Variants in NOTCH2 observed in about 807,000 individuals in gnomAD.
NOTCH2 encodes notch receptor 2, also known as neurogenic locus notch homolog protein 2.
A neutral mutation model predicts 235.8 loss-of-function variants in NOTCH2; 29 were observed. The observed-to-expected ratio is 0.12, with a 90% CI of 0.09 to 0.17. The LOEUF is 0.17. Ranked by LOEUF, NOTCH2 falls within the 10% of genes least tolerant of loss-of-function variation. The pLI is 1.00. For missense variants in NOTCH2, 2,285 were observed against 3,150.2 expected (o/e 0.73, Z 6.57); for synonymous variants, 1,086 against 1,141.5 (o/e 0.95, Z 0.98).
At chr1:119,994,529 T>TATACAC (rs1352687791) in intron 4 of NOTCH2, 3 of 111,842 alleles carry the variant, frequency 2.7e-5, no homozygotes, top group African/African-American at 1.3e-4. Flanking sequence ...CATATATATA[T>TATACAC]ACACACACAC....
At chr1:119,933,955 G>C (rs1226449188) in intron 22 of NOTCH2, among the ~76,000 whole-genome samples, 1 of 152,210 alleles carries the variant, frequency 6.6e-6, no homozygotes, top group Non-Finnish European at 1.5e-5. Context: ...CTTCAAGTCT[G>C]TCCCTCTTCC....
chr1:119,939,801 C>T (rs1187484502), intron 19 of NOTCH2, among the ~76,000 whole-genome samples: 1 of 152,246 alleles, frequency 6.6e-6, no homozygotes, highest in Non-Finnish European at 1.5e-5. Context: ...CAACAAGCTG[C>T]TTAATTTTGT....
In NOTCH2 at chr1:119,916,190, C is replaced by A. The variant is rs375876845; in HGVS notation, c.6532G>T (p.Ala2178Ser). Residue 2178 changes from alanine (A) to serine (S), a missense_variant, in exon 34 of 34, where the codon GCC (alanine) becomes TCC (serine). Physicochemically the swap from Ala to Ser is moderately conservative, Grantham distance 99. Coordinates refer to ENST00000256646, the MANE Select transcript of NOTCH2 (RefSeq NM_024408.4). The stretch of plus-strand genomic sequence containing the variant: ...GTGGCCAACATAGGGTTGGGTGAGG[C>A]CTGTAAGATCCCAGGGGATGTAATC... ...PMITSPGILQ[A>S]SPNPMLATAA... 6.2e-7 allele frequency: 1 copy of A among 1,614,170 alleles called. No homozygotes were observed. The highest frequency in any genetic ancestry group is 1.3e-5 in the African/African-American group (1 of 75,042).
chr1:119,968,461 T>A (rs1651236283), intron 6 of NOTCH2, among the ~76,000 whole-genome samples: 1 of 151,964 alleles, frequency 6.6e-6, no homozygotes, highest in African/African-American at 2.4e-5. Flanking sequence ...CAGCTAGACC[T>A]CTCCTCCAGG....
rs1649048666 is a variant in NOTCH2, at chr1:119,915,879, G to A, written c.6843C>T (p.Gly2281=). Residue 2281 remains glycine (G), a synonymous_variant, in exon 34 of 34, where the codon GGC becomes GGT. Coordinates refer to ENST00000256646, the MANE Select transcript of NOTCH2 (RefSeq NM_024408.4). ...VLAPAEGTHP[G]IAPQSRPPEG... ...CAGGTGGCCTGCTCTGGGGAGCTAT[G>A]CCAGGATGGGTGCCCTCAGCTGGAG... 1 of 1,614,190 alleles carries A rather than the reference G, an allele frequency of 6.2e-7. No homozygotes were observed. Among genetic ancestry groups the A allele is most frequent in the African/African-American group, 1.3e-5 (1 of 75,062 alleles).
rs201277745 is a variant in NOTCH2, at chr1:119,926,765, ACACT to A, written c.3893-158_3893-155del. On this transcript the variant is annotated intron_variant, in intron 23 of 33. Coordinates refer to ENST00000256646, the MANE Select transcript of NOTCH2 (RefSeq NM_024408.4). ...GTGGTAATCTGAGCATAGAAAGAAA[ACACT>A]CACTGCATCTCAACATGATTGGCCT... is the stretch of plus-strand genomic sequence containing the variant. Among the ~76,000 whole-genome samples the A allele has an allele frequency of 5.9e-3, 891 of 152,284 alleles. 3 individuals are homozygous for A. The highest frequency in any genetic ancestry group is 9.7e-3 in the Non-Finnish European group (662 of 68,018).
chr1:120,006,071 T>A (rs1271652480), intron 2 of NOTCH2, among the ~76,000 whole-genome samples: 1 of 152,020 alleles, frequency 6.6e-6, no homozygotes, highest in Non-Finnish European at 1.5e-5. Context: ...TAAGATATCA[T>A]GTGCTTTTCC....
intron 11 of NOTCH2, among the ~76,000 whole-genome samples, chr1:119,963,023 G>A (rs181351922): frequency 1.3e-5 from 2 of 152,240 alleles, no homozygotes; most frequent in African/African-American, 2.4e-5. Flanking sequence ...TAGTTACTGT[G>A]GTGTGTTGTA....
intron 2 of NOTCH2, among the ~76,000 whole-genome samples, chr1:120,009,066 A>G (rs1653087098): frequency 6.6e-6 from 1 of 152,260 alleles, no homozygotes; most frequent in East Asian, 1.9e-4. Flanking sequence ...GAGAGTAATC[A>G]TGCAGGTATC....
chr1:120,014,487 T>G (rs1431342156), intron 2 of NOTCH2, among the ~76,000 whole-genome samples: 2 of 147,514 alleles, frequency 1.4e-5, no homozygotes, highest in African/African-American at 5.1e-5. Flanking sequence ...TGGGGTTGGA[T>G]GTAGAAAAGC....
At chr1:119,954,967 C>G in intron 13 of NOTCH2, 73 bp downstream of exon 13, 2 of 1,480,184 alleles carry the variant, frequency 1.4e-6, no homozygotes, top group South Asian at 2.3e-5. Flanking sequence ...CAACTTCAGG[C>G]TGTCACCAGT....
intron 4 of NOTCH2, among the ~76,000 whole-genome samples, chr1:119,988,182 G>C (rs1258892220): frequency 1.3e-5 from 2 of 152,138 alleles, no homozygotes; most frequent in Admixed American, 1.3e-4. Context: ...TTGTGAGTGG[G>C]ACACACATCA....
At position 119,926,536 on chromosome 1, in the gene NOTCH2, C is replaced by T. The variant is rs2101164858; in HGVS notation, c.3968G>A (p.Ser1323Asn). ...GCAAATGAAACCATCAGGCATGTTACTGGCCACAGCACAAGTCCCTCCATT... is the reference window on the plus strand; with the variant it reads ...GCAAATGAAACCATCAGGCATGTTATTGGCCACAGCACAAGTCCCTCCATT... ...CLNGGTCAVA[S>N]NMPDGFICRC... The change falls in exon 24 of 34, where the codon AGT (serine) becomes AAT (asparagine). Residue 1323 changes from serine (S) to asparagine (N), a missense_variant. This residue lies in a region of NOTCH2 where 1,173 missense variants were observed against 1,515.3 expected (regional missense o/e 0.77). Transcript: ENST00000256646. The T allele has an allele frequency of 6.2e-7, 1 of 1,607,500 alleles. No individual in the cohort carries two copies. The highest frequency in any genetic ancestry group is 8.5e-7 in the Non-Finnish European group (1 of 1,176,352).
chr1:120,045,587 CA>C (rs1413164730), intron 1 of NOTCH2, among the ~76,000 whole-genome samples: 8 of 149,668 alleles, frequency 5.3e-5, no homozygotes, highest in African/African-American at 2.0e-4. Flanking sequence ...TTACTTATAC[CA>C]ACCCAGACAA....
intron 5 of NOTCH2, among the ~76,000 whole-genome samples, chr1:119,978,154 A>G (rs1430767598): frequency 6.6e-6 from 1 of 152,114 alleles, no homozygotes; most frequent in Admixed American, 6.5e-5. Flanking sequence ...GAAGTGTGTG[A>G]GGGAGTGTGT....
intron 1 of NOTCH2, among the ~76,000 whole-genome samples, chr1:120,050,265 AG>A (rs1654953701): frequency 1.0e-5 from 1 of 97,600 alleles, no homozygotes; most frequent in East Asian, 2.8e-4. Flanking sequence ...ACTCTGGTAA[AG>A]GATTTCTAAA....
At chr1:120,029,509 C>A (rs1351659207) in intron 2 of NOTCH2, among the ~76,000 whole-genome samples, 1 of 150,620 alleles carries the variant, frequency 6.6e-6, no homozygotes, top group Non-Finnish European at 1.5e-5. Flanking sequence ...CGCCACCACA[C>A]CTGGCTAATT....
intron 4 of NOTCH2, among the ~76,000 whole-genome samples, chr1:119,988,310 C>A (rs1457102739): frequency 1.3e-5 from 2 of 152,144 alleles, no homozygotes; most frequent in Admixed American, 1.3e-4. Flanking sequence ...TAAGTATAAA[C>A]TGAGTGACCA....
chr1:120,055,702 TAAAAC>T (rs1164985806), intron 1 of NOTCH2, among the ~76,000 whole-genome samples: 3 of 151,676 alleles, frequency 2.0e-5, no homozygotes, highest in African/African-American at 7.3e-5. Flanking sequence ...AATTTTTTCT[TAAAAC>T]AAAACAAAAT....
Sources: gnomAD v4.1 joint callset for allele counts (sites outside exome capture counted in the v4.1 genomes callset) on GRCh38, gnomAD v4.1.1 for gene constraint, gnomAD v4.1.1 regional missense constraint, MANE v1.5 for transcripts, NCBI Gene and HGNC (gene_info 2026-07-23, HGNC 2026-07-21) for gene names.